The following CTNNA3 variants were observed in gnomAD, a reference collection of about 807,000 sequenced individuals.
CTNNA3 encodes the protein catenin alpha 3, also known as catenin alpha-3.
Under a neutral mutation model 95.7 loss-of-function variants are expected in CTNNA3, and 76 were observed. That is an observed-to-expected ratio of 0.79 (90% CI 0.66 to 0.96). The LOEUF (loss-of-function observed/expected upper bound fraction) is 0.96, where lower values mean the gene tolerates loss of function less well. Among genes scored for constraint, CTNNA3 ranks in the 40% least tolerant of loss-of-function variants. CTNNA3 has a pLI of 0.00. For synonymous variants in CTNNA3, 431 were observed against 374.4 expected (o/e 1.15, Z -1.74); for missense variants, 1,191 against 1,089.8 (o/e 1.09, Z -1.31).
At chr10:67,542,317 C>A (rs936623288) in intron 3 of CTNNA3, among the ~76,000 whole-genome samples, 4 of 151,982 alleles carry the variant, frequency 2.6e-5, no homozygotes, top group South Asian at 4.1e-4. Context: ...TCTAGCATAA[C>A]CTTCATCATA....
chr10:67,679,013 C>T (rs942184837), intron 1 of CTNNA3, among the ~76,000 whole-genome samples: 2 of 152,146 alleles, frequency 1.3e-5, no homozygotes, highest in African/African-American at 4.8e-5. Context: ...ACTTTGCTTT[C>T]ATCTTGTCTC....
intron 2 of CTNNA3, among the ~76,000 whole-genome samples, chr10:67,627,155 T>C (rs1321182191): frequency 6.6e-6 from 1 of 152,192 alleles, no homozygotes; most frequent in Non-Finnish European, 1.5e-5. Flanking sequence ...CTGTGGCTTG[T>C]TGAGCCAAGC....
chr10:67,640,151 CAA>C (rs1839478066), intron 2 of CTNNA3, among the ~76,000 whole-genome samples: 1 of 152,176 alleles, frequency 6.6e-6, no homozygotes, highest in Non-Finnish European at 1.5e-5. Context: ...GCAACTACAG[CAA>C]AGTCTCAGGA....
At chr10:67,108,600 T>G (rs528273874) in intron 7 of CTNNA3, among the ~76,000 whole-genome samples, 19 of 152,314 alleles carry the variant, frequency 1.2e-4, no homozygotes, top group Admixed American at 8.5e-4. Flanking sequence ...AGTCTGTACA[T>G]GATGCTGTGA....
At chr10:66,163,025 C>T (rs1296173705) in intron 13 of CTNNA3, among the ~76,000 whole-genome samples, 1 of 152,030 alleles carries the variant, frequency 6.6e-6, no homozygotes, top group Non-Finnish European at 1.5e-5. Flanking sequence ...ACCCAGCTCC[C>T]ACATAAACTG....
chr10:67,078,532 T>A (rs1856858724), intron 7 of CTNNA3, among the ~76,000 whole-genome samples: 1 of 152,130 alleles, frequency 6.6e-6, no homozygotes, highest in African/African-American at 2.4e-5. Context: ...ATTATTATTA[T>A]TTGAGAAGGA....
chr10:66,210,815 G>T (rs10996977), intron 13 of CTNNA3, among the ~76,000 whole-genome samples: 14,920 of 152,202 alleles, frequency 0.098, 961 homozygotes, highest in Middle Eastern at 0.14. Flanking sequence ...GTTTACAATT[G>T]TGTTTAGAAC....
At chr10:66,755,097 A>C (rs1839312042) in intron 9 of CTNNA3, among the ~76,000 whole-genome samples, 2 of 152,334 alleles carry the variant, frequency 1.3e-5, no homozygotes, top group African/African-American at 4.8e-5. Context: ...AATGAAATGC[A>C]GTACACAACA....
intron 5 of CTNNA3, among the ~76,000 whole-genome samples, chr10:67,467,431 T>A (rs1847638914): frequency 6.6e-6 from 1 of 152,090 alleles, no homozygotes; most frequent in South Asian, 2.1e-4. Context: ...TTAGACTTCG[T>A]TCTCTAATAG....
chr10:66,027,369 T>C (rs1361173193), intron 15 of CTNNA3, among the ~76,000 whole-genome samples: 2 of 152,190 alleles, frequency 1.3e-5, no homozygotes, highest in African/African-American at 4.8e-5. Context: ...CTTATTGTTG[T>C]TAGTAACACT....
chr10:67,416,948 A>G (rs971024923), intron 5 of CTNNA3, among the ~76,000 whole-genome samples: 22 of 152,338 alleles, frequency 1.4e-4, no homozygotes, highest in African/African-American at 5.3e-4. Context: ...TACTGGGTAT[A>G]TATGCAAAAG....
intron 7 of CTNNA3, among the ~76,000 whole-genome samples, chr10:66,872,671 A>AAATAATAATAAT (rs35006931): frequency 0.025 from 3,644 of 145,506 alleles, 134 homozygotes; most frequent in African/African-American, 0.093. Context: ...CCCGTCTCAA[A>AAATAATAATAAT]AATAATAATA....
Position 67,524,205 on chromosome 10 carries a change from T to C in CTNNA3, c.460-2244A>G, listed in dbSNP as rs186722308. On this transcript the variant is annotated intron_variant, in intron 4 of 17. Coordinates refer to ENST00000433211, the MANE Select transcript of CTNNA3 (RefSeq NM_013266.4). ...GATCACGAGGTCAGGAGATCGAGAC[T>C]ATCCTGGCTAACACGGTGAAACCCC... Among the ~76,000 whole-genome samples the C allele has an allele frequency of 0.029, 4,419 of 151,746 alleles. 427 individuals are homozygous for C. In the East Asian group the frequency reaches 0.36, roughly 12 times the overall value.
chr10:67,384,100 A>G (rs925213559), intron 5 of CTNNA3, among the ~76,000 whole-genome samples: 2 of 152,188 alleles, frequency 1.3e-5, no homozygotes, highest in East Asian at 1.9e-4. Context: ...ATATATGTAT[A>G]TATCACCTTG....
chr10:66,299,773 C>A (rs1052284914), intron 12 of CTNNA3, among the ~76,000 whole-genome samples: 2 of 152,202 alleles, frequency 1.3e-5, no homozygotes, highest in South Asian at 4.1e-4. Context: ...GAATAAAAAT[C>A]AGATTGAATA....
chr10:67,129,007 A>G (rs1196968651), intron 7 of CTNNA3, among the ~76,000 whole-genome samples: 1 of 152,174 alleles, frequency 6.6e-6, no homozygotes, highest in Non-Finnish European at 1.5e-5. Flanking sequence ...GACCACATGA[A>G]TTATAAAAGA....
At chr10:66,246,048 G>T (rs535728413) in intron 13 of CTNNA3, among the ~76,000 whole-genome samples, 1 of 152,272 alleles carries the variant, frequency 6.6e-6, no homozygotes, top group African/African-American at 2.4e-5. Context: ...CAGCTTTCAG[G>T]CCCTCTATGG....
intron 1 of CTNNA3, among the ~76,000 whole-genome samples, chr10:67,706,715 G>A (rs1202066906): frequency 6.6e-6 from 1 of 152,128 alleles, no homozygotes; most frequent in African/African-American, 2.4e-5. Context: ...TAAGGAATAG[G>A]AAAGGGAGAG....
chr10:66,538,581 T>C (rs892273624), intron 10 of CTNNA3, among the ~76,000 whole-genome samples: 4 of 152,274 alleles, frequency 2.6e-5, no homozygotes, highest in Admixed American at 2.6e-4. Context: ...CCAGAGCAGA[T>C]AGATACGTGA....
Sources: gnomAD v4.1 joint callset for allele counts (sites outside exome capture counted in the v4.1 genomes callset) on GRCh38, gnomAD v4.1.1 for gene constraint, MANE v1.5 for transcripts, NCBI Gene and HGNC (gene_info 2026-07-23, HGNC 2026-07-21) for gene names.